PTPRJ: variants seen among roughly 807,000 people sequenced by gnomAD.
The protein encoded by PTPRJ is receptor-type tyrosine-protein phosphatase eta.
PTPRJ carries 129 observed loss-of-function variants against 141.3 expected under a neutral mutation model. The ratio of observed to expected loss-of-function variants is 0.91; its 90% CI spans 0.79 to 1.06. The LOEUF (loss-of-function observed/expected upper bound fraction) is 1.06, where lower values mean the gene tolerates loss of function less well. PTPRJ is among the 50% of genes least tolerant of loss of function. The pLI is 0.00. For synonymous variants in PTPRJ, 610 were observed against 640.5 expected, an observed-to-expected ratio of 0.95 and a Z score of 0.72; for missense variants, 1,601 against 1,679.7, an observed-to-expected ratio of 0.95 and a Z score of 0.82.
intron 1 of PTPRJ, among the ~76,000 whole-genome samples, chr11:48,043,987 AGG>A (rs1854330813): frequency 6.6e-6 from 1 of 152,300 alleles, no homozygotes; most frequent in Admixed American, 6.5e-5. Context: ...CTCCCTCTGA[AGG>A]GAGGCATACT....
At chr11:47,991,573 C>T (rs372191078) in intron 1 of PTPRJ, among the ~76,000 whole-genome samples, 1 of 152,136 alleles carries the variant, frequency 6.6e-6, no homozygotes, top group South Asian at 2.1e-4. Flanking sequence ...ATTTTCATGT[C>T]GTTGTGTCAT....
chr11:48,075,124 A>ATTATTTAT (rs138067691), intron 1 of PTPRJ, among the ~76,000 whole-genome samples: 11 of 151,802 alleles, frequency 7.2e-5, no homozygotes, highest in South Asian at 2.1e-4. Context: ...ACATGCTAGC[A>ATTATTTAT]TTATTTATTT....
intron 1 of PTPRJ, among the ~76,000 whole-genome samples, chr11:47,989,613 A>T (rs1166064441): frequency 6.8e-6 from 1 of 146,154 alleles, no homozygotes; most frequent in Non-Finnish European, 1.5e-5. Flanking sequence ...CCTGTTCATT[A>T]AAAAAAAAAA....
intron 1 of PTPRJ, among the ~76,000 whole-genome samples, chr11:48,002,117 A>C (rs1467683770): frequency 6.7e-6 from 1 of 149,200 alleles, no homozygotes; most frequent in Non-Finnish European, 1.5e-5. Flanking sequence ...TGGGCAAATG[A>C]GTGCATTTTC....
At chr11:48,068,705 G>A (rs1044233362) in intron 1 of PTPRJ, among the ~76,000 whole-genome samples, 1 of 152,314 alleles carries the variant, frequency 6.6e-6, no homozygotes, top group African/African-American at 2.4e-5. Context: ...ATAGAAGAGC[G>A]AGCTCAGGCA....
At chr11:48,079,219 C>G (rs187918659) in intron 1 of PTPRJ, among the ~76,000 whole-genome samples, 1 of 152,066 alleles carries the variant, frequency 6.6e-6, no homozygotes, top group Non-Finnish European at 1.5e-5. Flanking sequence ...TTGTGTTGGT[C>G]TGCATTCAAA....
At chr11:47,990,683 ATTT>A (rs58395455) in intron 1 of PTPRJ, among the ~76,000 whole-genome samples, 4 of 127,722 alleles carry the variant, frequency 3.1e-5, no homozygotes, top group Admixed American at 7.9e-5. Flanking sequence ...AAGTGTTGGG[ATTT>A]TTTTTTTTTT....
chr11:48,068,978 C>G (rs990111609), intron 1 of PTPRJ, among the ~76,000 whole-genome samples: 1 of 152,186 alleles, frequency 6.6e-6, no homozygotes, highest in East Asian at 1.9e-4. Flanking sequence ...AAATCTGCCC[C>G]AGGGAGAATT....
chr11:48,034,714 A>T (rs1194296223), intron 1 of PTPRJ, among the ~76,000 whole-genome samples: 1 of 152,180 alleles, frequency 6.6e-6, no homozygotes, highest in Non-Finnish European at 1.5e-5. Flanking sequence ...CACCCAACTA[A>T]CAAGCAGTAG....
intron 1 of PTPRJ, among the ~76,000 whole-genome samples, chr11:47,983,597 C>T (rs545624102): frequency 2.6e-5 from 4 of 152,298 alleles, no homozygotes; most frequent in South Asian, 4.1e-4. Flanking sequence ...ACAGGAAGGA[C>T]GGTCAGAGAT....
chr11:48,026,795 C>T (rs1853824551), intron 1 of PTPRJ, among the ~76,000 whole-genome samples: 1 of 151,822 alleles, frequency 6.6e-6, no homozygotes, highest in Non-Finnish European at 1.5e-5. Flanking sequence ...GTGCACCCAT[C>T]ACCTGAGCAG....
rs570608413 is a variant in PTPRJ, at chr11:48,169,310, C to A, written c.*1948C>A. On this transcript the variant is annotated 3_prime_UTR_variant, in exon 25 of 25. Coordinates refer to ENST00000418331, the MANE Select transcript of PTPRJ (RefSeq NM_002843.4). ...TCCTTTGCATTTTTTTGGTAGTAAG[C>A]AGTTCATTGAGTATCAGGTCCTCAA... is the stretch of plus-strand genomic sequence containing the variant. 1.3e-5 allele frequency: 2 copies of A among 152,228 alleles called. No individual in the cohort carries two copies. The highest frequency in any genetic ancestry group is 4.1e-4 in the South Asian group (2 of 4,828). 9.4% of individuals were successfully genotyped at this position (152,228 alleles called of 1,614,324 possible).
chr11:48,170,572 C>G lies in PTPRJ; in HGVS notation c.*3210C>G, dbSNP rs1858030917. The G allele has an allele frequency of 6.6e-6, 1 of 152,122 alleles. No homozygotes were observed. The highest frequency in any genetic ancestry group is 2.4e-5 in the African/African-American group (1 of 41,418). 9.4% of individuals were successfully genotyped at this position (152,122 alleles called of 1,614,324 possible). On this transcript the variant is annotated 3_prime_UTR_variant, in exon 25 of 25. Coordinates refer to ENST00000418331, the MANE Select transcript of PTPRJ (RefSeq NM_002843.4). ...TGATTTGCCTCAAAAGTTTTAAGTC[C>G]TGGGTTTTCAGACTACTGTGTAGCA...
At chr11:48,096,213 C>T (rs1273249669) in intron 1 of PTPRJ, among the ~76,000 whole-genome samples, 3 of 152,142 alleles carry the variant, frequency 2.0e-5, no homozygotes, top group East Asian at 1.9e-4. Context: ...TGTGACCCAC[C>T]GTGTGCTGTG....
At position 48,137,004 on chromosome 11, in the gene PTPRJ, G is replaced by A. The variant is rs745701213; in HGVS notation, c.1875G>A (p.Arg625=). The change falls in exon 10 of 25, where the codon CGG becomes CGA. Residue 625 remains arginine (R), a splice_region_variant and synonymous_variant. Coordinates refer to ENST00000418331, the MANE Select transcript of PTPRJ (RefSeq NM_002843.4). ...AATTGCCTTTTTTTTAAAATCAAGG[G>A]CCCAGCAATGTGTCCAACATTGATG... The part of the protein sequence containing the change: ...GDPNSTAQYT[R]PSNVSNIDVS... 1 of 1,594,498 alleles carries A rather than the reference G, an allele frequency of 6.3e-7. No individual in the cohort carries two copies. The highest frequency in any genetic ancestry group is 8.6e-7 in the Non-Finnish European group (1 of 1,163,180).
chr11:48,130,274 G>A (rs1265654478), intron 7 of PTPRJ, among the ~76,000 whole-genome samples, 185 bp from the exon 8 acceptor site: 1 of 152,078 alleles, frequency 6.6e-6, no homozygotes, highest in Non-Finnish European at 1.5e-5. Context: ...ATGATCAAGT[G>A]CTCTCTCCAT....
intron 1 of PTPRJ, among the ~76,000 whole-genome samples, chr11:48,080,879 A>T (rs1404345514): frequency 2.0e-5 from 3 of 152,230 alleles, no homozygotes; most frequent in Admixed American, 6.5e-5. Flanking sequence ...TTATTTTTGT[A>T]TTCCTACTTC....
chr11:48,104,907 C>T (rs1341263771), intron 1 of PTPRJ, among the ~76,000 whole-genome samples: 1 of 152,062 alleles, frequency 6.6e-6, no homozygotes, highest in Non-Finnish European at 1.5e-5. Flanking sequence ...TGACCTGGGG[C>T]TGTAAGATGC....
intron 9 of PTPRJ, among the ~76,000 whole-genome samples, chr11:48,136,780 T>A (rs1313548067): frequency 6.6e-6 from 1 of 152,190 alleles, no homozygotes; most frequent in African/African-American, 2.4e-5. Context: ...TGAAATAAAC[T>A]TGAAGTATTA....
Sources: gnomAD v4.1 joint callset for allele counts (sites outside exome capture counted in the v4.1 genomes callset) on GRCh38, gnomAD v4.1.1 for gene constraint, MANE v1.5 for transcripts, NCBI Gene and HGNC (gene_info 2026-07-23, HGNC 2026-07-21) for gene names.